ARHGEF11: variants seen among roughly 807,000 people sequenced by gnomAD.
ARHGEF11 encodes Rho guanine nucleotide exchange factor 11.
Under a neutral mutation model 193.7 loss-of-function variants are expected in ARHGEF11, and 55 were observed. The observed-to-expected ratio is 0.28, with a 90% CI of 0.23 to 0.36. The LOEUF (loss-of-function observed/expected upper bound fraction) is 0.36. ARHGEF11 is among the 10% of genes least tolerant of loss of function. The pLI is 1.00. For synonymous variants in ARHGEF11, 693 were observed against 768.0 expected (o/e 0.90, Z 1.62); for missense variants, 1,723 against 2,005.6 (o/e 0.86, Z 2.69).
At chr1:156,971,546 C>A (rs1662484241) in intron 8 of ARHGEF11, 151 bp downstream of exon 8, 1 of 1,042,892 alleles carries the variant, frequency 9.6e-7, no homozygotes, top group African/African-American at 1.6e-5. Context: ...TTGGTGCTGA[C>A]CTTGGTTTCT....
intron 22 of ARHGEF11, among the ~76,000 whole-genome samples, chr1:156,950,819 T>A (rs1658978160): frequency 6.6e-6 from 1 of 152,232 alleles, no homozygotes. Flanking sequence ...CATATTACTC[T>A]ACCTGTTTAA....
chr1:156,949,021 C>A, intron 22 of ARHGEF11: 1 of 985,440 alleles, frequency 1.0e-6, no homozygotes, highest in Non-Finnish European at 1.2e-6. Flanking sequence ...ATTCACAGCT[C>A]ATTTTAGGAT....
intron 1 of ARHGEF11, among the ~76,000 whole-genome samples, chr1:157,031,252 G>A (rs1052108341): frequency 2.0e-5 from 3 of 152,064 alleles, no homozygotes; most frequent in Non-Finnish European, 4.4e-5. Context: ...ATGGGAAGGA[G>A]GATCTTAACA....
At chr1:156,970,261 C>A (rs1385811711) in intron 8 of ARHGEF11, among the ~76,000 whole-genome samples, 1 of 152,158 alleles carries the variant, frequency 6.6e-6, no homozygotes, top group Non-Finnish European at 1.5e-5. Flanking sequence ...TACTGAAATT[C>A]TAAAAGCTAG....
chr1:157,026,252 A>G (rs1044363140), intron 1 of ARHGEF11, among the ~76,000 whole-genome samples: 2 of 152,184 alleles, frequency 1.3e-5, no homozygotes, highest in Non-Finnish European at 2.9e-5. Flanking sequence ...TCTTTTCTCT[A>G]CCTTCTGTAG....
chr1:157,010,387 G>T (rs1456614151), intron 1 of ARHGEF11, among the ~76,000 whole-genome samples: 1 of 151,984 alleles, frequency 6.6e-6, no homozygotes, highest in East Asian at 1.9e-4. Context: ...TTAGAACTAA[G>T]CTGCAGGATA....
chr1:156,938,321 G>GGT lies in ARHGEF11; in HGVS notation c.4192+95_4192+96dup, dbSNP rs1050336980. 22 of 1,108,766 alleles carry GGT rather than the reference G, an allele frequency of 2.0e-5. 1 individual carries two copies. The highest frequency in any genetic ancestry group is 4.1e-4 in the Middle Eastern group (2 of 4,846). The allele number at this position is 1,108,766 out of a possible 1,614,324, so 68.7% of individuals were successfully genotyped here. A position where few individuals can be genotyped will look rare whatever the true frequency, so the allele number is the denominator to read the frequency against. On this transcript the variant is annotated intron_variant, in intron 38 of 40. Transcript: ENST00000368194. Reference sequence around the variant, plus strand: ...TTCCAGGCAGCTGAGGGAGCTTGTGGGTGTGTGTGTGACCATGGGCAGGGG... The same window carrying GGT: ...TTCCAGGCAGCTGAGGGAGCTTGTGGGTGTGTGTGTGTGACCATGGGCAGGGG...
chr1:156,975,452 A>G (rs1663120301), intron 7 of ARHGEF11, among the ~76,000 whole-genome samples: 1 of 152,194 alleles, frequency 6.6e-6, no homozygotes. Flanking sequence ...CTGGCATTAG[A>G]TCCTTATCAG....
At chr1:156,974,403 T>C (rs1263179856) in intron 7 of ARHGEF11, among the ~76,000 whole-genome samples, 2 of 152,230 alleles carry the variant, frequency 1.3e-5, no homozygotes, top group Admixed American at 6.5e-5. Flanking sequence ...AACAGCAGAC[T>C]GAATCCAACT....
chr1:156,961,630 G>A, intron 14 of ARHGEF11, 47 bp downstream of exon 14: 1 of 1,561,748 alleles, frequency 6.4e-7, no homozygotes, highest in South Asian at 1.1e-5. Flanking sequence ...CCTCTGAGTA[G>A]TTCAAAGAAT....
At position 156,958,632 on chromosome 1, in the gene ARHGEF11, G is replaced by A. The variant is rs112643200; in HGVS notation, c.1502+110C>T. The A allele has an allele frequency of 1.5e-5, 23 of 1,489,686 alleles. No homozygotes were observed. In the African/African-American group the frequency reaches 2.2e-4, roughly 14 times the overall value. 92.3% of individuals were successfully genotyped at this position (1,489,686 alleles called of 1,614,324 possible). ...AGGACTCCCCATCTTTCAGGGGCAGGAGAATCAGGCAAGAAGTGGAAGAGG... is the reference window on the plus strand; with the variant it reads ...AGGACTCCCCATCTTTCAGGGGCAGAAGAATCAGGCAAGAAGTGGAAGAGG... On this transcript the variant is annotated intron_variant, in intron 17 of 40. Coordinates refer to ENST00000368194, the MANE Select transcript of ARHGEF11 (RefSeq NM_198236.3).
At chr1:157,021,318 A>C (rs947466062) in intron 1 of ARHGEF11, among the ~76,000 whole-genome samples, 1 of 152,208 alleles carries the variant, frequency 6.6e-6, no homozygotes, top group African/African-American at 2.4e-5. Flanking sequence ...GAGGATGGCA[A>C]ATGCTGAACA....
At chr1:156,959,473 G>T (rs956692268) in intron 15 of ARHGEF11, among the ~76,000 whole-genome samples, 6 of 152,218 alleles carry the variant, frequency 3.9e-5, no homozygotes, top group African/African-American at 9.7e-5. Context: ...TGAGAGGCTT[G>T]TTCCCCTCTA....
chr1:156,963,668 G>A (rs993587102), intron 11 of ARHGEF11, 74 bp from the exon 12 acceptor site: 1 of 1,578,132 alleles, frequency 6.3e-7, no homozygotes, highest in African/African-American at 1.4e-5. Flanking sequence ...AGTGAAGTTT[G>A]TTTAGTTGCA....
intron 33 of ARHGEF11, 70 bp downstream of exon 33, chr1:156,942,620 C>T: frequency 6.9e-7 from 1 of 1,444,578 alleles, no homozygotes; most frequent in African/African-American, 1.4e-5. Flanking sequence ...TTGCTACCCA[C>T]TGTCCTCATA....
At chr1:156,973,254 T>C (rs1221451330) in intron 7 of ARHGEF11, among the ~76,000 whole-genome samples, 1 of 152,214 alleles carries the variant, frequency 6.6e-6, no homozygotes, top group Non-Finnish European at 1.5e-5. Flanking sequence ...AAAACATTAG[T>C]CTACAACTAG....
In ARHGEF11 at chr1:156,980,474, A is replaced by G; in HGVS notation, c.236T>C (p.Met79Thr). The G allele has an allele frequency of 6.3e-7, 1 of 1,599,690 alleles. No individual in the cohort carries two copies. The highest frequency in any genetic ancestry group is 8.5e-7 in the Non-Finnish European group (1 of 1,172,406). The change falls in exon 4 of 41, where the codon ATG (methionine) becomes ACG (threonine). Residue 79 changes from methionine to threonine, a missense_variant. Around this residue, in one of 5 missense-constraint regions of ARHGEF11, gnomAD observed 646 missense variants for 710.7 expected, o/e 0.91. Coordinates refer to ENST00000368194, the MANE Select transcript of ARHGEF11 (RefSeq NM_198236.3). ...GTCGCCCTCTTTCACACCGGCCTTCATGGCTGCACCTCCTGTAAGGAGAAG... is the reference window on the plus strand; with the variant it reads ...GTCGCCCTCTTTCACACCGGCCTTCGTGGCTGCACCTCCTGTAAGGAGAAG... ...VQSVRPGGAAMKAGVKEGDRI... is the reference protein window; with the variant it reads ...VQSVRPGGAATKAGVKEGDRI...
chr1:157,023,699 G>A (rs1670275286), intron 1 of ARHGEF11, among the ~76,000 whole-genome samples: 1 of 151,252 alleles, frequency 6.6e-6, no homozygotes, highest in African/African-American at 2.4e-5. Flanking sequence ...CAGGGAGGGG[G>A]AGGTTGCAGT....
intron 40 of ARHGEF11, among the ~76,000 whole-genome samples, chr1:156,936,526 A>ATAT (rs1655356160): frequency 7.6e-6 from 1 of 132,396 alleles, no homozygotes; most frequent in African/African-American, 2.9e-5. Flanking sequence ...ATATATATAT[A>ATAT]AAATTAAAAA....
Sources: gnomAD v4.1 joint callset for allele counts (sites outside exome capture counted in the v4.1 genomes callset) on GRCh38, gnomAD v4.1.1 for gene constraint, gnomAD v4.1.1 regional missense constraint, MANE v1.5 for transcripts, NCBI Gene and HGNC (gene_info 2026-07-23, HGNC 2026-07-21) for gene names.